Variants in TENM4 observed in about 807,000 individuals in gnomAD.
The protein encoded by TENM4 is teneurin-4.
A neutral mutation model predicts 243.3 loss-of-function variants in TENM4; 82 were observed. That is an observed-to-expected ratio of 0.34 (90% CI 0.28 to 0.40). The LOEUF is 0.40. Among genes scored for constraint, TENM4 ranks in the 10% least tolerant of loss-of-function variants. The pLI is 1.00. For synonymous variants in TENM4, 1,412 were observed against 1,456.3 expected (o/e 0.97, Z 0.69); for missense variants, 3,138 against 3,673.3 (o/e 0.85, Z 3.77).
At chr11:79,049,664 T>C (rs370186501) in intron 6 of TENM4, among the ~76,000 whole-genome samples, 11 of 152,370 alleles carry the variant, frequency 7.2e-5, no homozygotes, top group African/African-American at 2.4e-4. Context: ...ATGCCTAGAT[T>C]GTACCAATAA....
At chr11:79,016,194 G>C (rs1198865454) in intron 6 of TENM4, among the ~76,000 whole-genome samples, 1 of 152,170 alleles carries the variant, frequency 6.6e-6, no homozygotes, top group Non-Finnish European at 1.5e-5. Context: ...TATTGTATAG[G>C]GGGCAAGAGT....
chr11:79,435,229 T>C (rs908953048), intron 1 of TENM4, among the ~76,000 whole-genome samples: 1 of 128,690 alleles, frequency 7.8e-6, no homozygotes. Flanking sequence ...GAATAAAGAC[T>C]GTAAAAGAAA....
chr11:78,672,387 T>C, intron 30 of TENM4, 58 bp from the exon 31 acceptor site: 2 of 1,556,704 alleles, frequency 1.3e-6, no homozygotes, highest in Admixed American at 1.7e-5. Flanking sequence ...AACTTTGGTC[T>C]GATGGGCCAC....
chr11:78,902,333 G>A (rs527489272), intron 7 of TENM4, among the ~76,000 whole-genome samples: 1 of 152,272 alleles, frequency 6.6e-6, no homozygotes, highest in East Asian at 1.9e-4. Context: ...ACTTCATTTT[G>A]GAAAAACAGT....
At chr11:78,663,553 T>G (rs952178928) in intron 32 of TENM4, among the ~76,000 whole-genome samples, 3 of 152,100 alleles carry the variant, frequency 2.0e-5, no homozygotes, top group African/African-American at 7.2e-5. Flanking sequence ...TCTTGCTACC[T>G]CTCTTGCCAT....
At chr11:79,342,304 A>C (rs1195910969) in intron 1 of TENM4, among the ~76,000 whole-genome samples, 1 of 152,164 alleles carries the variant, frequency 6.6e-6, no homozygotes, top group Non-Finnish European at 1.5e-5. Context: ...GACCGCGATG[A>C]GATGAGGAGA....
intron 30 of TENM4, among the ~76,000 whole-genome samples, chr11:78,674,497 A>G (rs1297432753): frequency 6.6e-6 from 1 of 152,156 alleles, no homozygotes. Flanking sequence ...CCTGGAGTCT[A>G]CCTGTGCTGG....
intron 9 of TENM4, among the ~76,000 whole-genome samples, chr11:78,865,608 C>T (rs898703162): frequency 2.0e-5 from 3 of 152,076 alleles, no homozygotes; most frequent in Admixed American, 6.5e-5. Flanking sequence ...TGTGTGACTG[C>T]CATCAAGACA....
chr11:79,383,137 G>T (rs1430990892), intron 1 of TENM4, among the ~76,000 whole-genome samples: 1 of 152,116 alleles, frequency 6.6e-6, no homozygotes, highest in Non-Finnish European at 1.5e-5. Context: ...CCCCTTTCTG[G>T]CCACCCCTCA....
At chr11:79,331,706 G>A (rs568618197) in intron 1 of TENM4, among the ~76,000 whole-genome samples, 1 of 152,190 alleles carries the variant, frequency 6.6e-6, no homozygotes, top group African/African-American at 2.4e-5. Context: ...CCCTGGGAAG[G>A]CTATAAATTG....
chr11:78,938,067 T>G (rs1480042540), intron 6 of TENM4, among the ~76,000 whole-genome samples: 1 of 152,182 alleles, frequency 6.6e-6, no homozygotes, highest in Non-Finnish European at 1.5e-5. Context: ...AATTGAGTGA[T>G]TGTTCTAGTA....
chr11:78,666,242 A>G (rs1228803629), intron 32 of TENM4, among the ~76,000 whole-genome samples: 1 of 152,236 alleles, frequency 6.6e-6, no homozygotes, highest in African/African-American at 2.4e-5. Context: ...AAACTGTAGG[A>G]TATGACCCAC....
intron 1 of TENM4, among the ~76,000 whole-genome samples, chr11:79,432,496 G>A (rs1859190457): frequency 6.6e-6 from 1 of 152,146 alleles, no homozygotes; most frequent in African/African-American, 2.4e-5. Flanking sequence ...CTTTCACTGT[G>A]GACCTCATCA....
Position 78,652,936 on chromosome 11 carries a change from C to T in TENM4, c.*5122G>A, listed in dbSNP as rs1298416437. 1.3e-5 allele frequency: 2 copies of T among 152,200 alleles called. No individual in the cohort carries two copies. Among genetic ancestry groups the T allele is most frequent in the African/African-American group, 2.4e-5 (1 of 41,444 alleles). The allele number at this position is 152,200 out of a possible 1,614,324, so 9.4% of individuals were successfully genotyped here. ...GTGTGCCCAGTGGTGGAGCAAGGCT[C>T]CCTCCTCTGGGAGGGTTGGGTTCGT... On this transcript the variant is annotated 3_prime_UTR_variant, in exon 34 of 34. Transcript: ENST00000278550.
intron 3 of TENM4, among the ~76,000 whole-genome samples, chr11:79,174,154 A>G (rs978975364): frequency 4.6e-5 from 7 of 152,212 alleles, no homozygotes; most frequent in African/African-American, 1.2e-4. Context: ...TGTAAGTTAC[A>G]TAAGACTACC....
chr11:79,380,262 TC>T (rs145200195), intron 1 of TENM4, among the ~76,000 whole-genome samples: 14,952 of 152,064 alleles, frequency 0.098, 882 homozygotes, highest in African/African-American at 0.16. Context: ...TATCAATAGT[TC>T]TTGGGAGTGG....
chr11:78,851,864 T>C (rs906154447), intron 12 of TENM4, among the ~76,000 whole-genome samples: 2 of 152,086 alleles, frequency 1.3e-5, no homozygotes, highest in African/African-American at 4.8e-5. Context: ...AATACCAGAA[T>C]CCTGAAAAAC....
intron 9 of TENM4, among the ~76,000 whole-genome samples, chr11:78,866,199 A>G (rs1858972037): frequency 6.6e-6 from 1 of 152,106 alleles, no homozygotes; most frequent in Admixed American, 6.5e-5. Context: ...TTCTTACTTT[A>G]TATATTAGCA....
chr11:79,345,612 T>A (rs1857313072), intron 1 of TENM4, among the ~76,000 whole-genome samples: 2 of 152,154 alleles, frequency 1.3e-5, no homozygotes, highest in African/African-American at 4.8e-5. Flanking sequence ...AAGACTAGGG[T>A]TCATATTCTA....
Sources: allele counts gnomAD v4.1 joint callset (sites outside exome capture counted in the v4.1 genomes callset), GRCh38; gene constraint gnomAD v4.1.1; transcripts MANE v1.5; gene names NCBI Gene and HGNC (gene_info 2026-07-23, HGNC 2026-07-21).